SPON1: variants seen among roughly 807,000 people sequenced by gnomAD.
SPON1 encodes the protein spondin 1.
A neutral mutation model predicts 111.7 loss-of-function variants in SPON1; 52 were observed. That is an observed-to-expected ratio of 0.47 (90% CI 0.37 to 0.59). The LOEUF is 0.59. SPON1 is among the 20% of genes least tolerant of loss of function. The pLI is 0.00. For missense variants in SPON1, 957 were observed against 1,068.5 expected (o/e 0.90, Z 1.46); for synonymous variants, 410 against 395.8 (o/e 1.04, Z -0.43).
intron 1 of SPON1, among the ~76,000 whole-genome samples, chr11:13,977,803 G>T (rs908181752): frequency 6.6e-6 from 1 of 151,916 alleles, no homozygotes. Flanking sequence ...ATTTTGTTTT[G>T]CTTTTCACAT....
In SPON1 at chr11:14,189,475, G is replaced by A. The variant is rs537865047; in HGVS notation, c.826-53857G>A. On this transcript the variant is annotated intron_variant, in intron 6 of 15. Transcript: ENST00000576479. ...CCACCCAGCTGCCTAAGCCCCCTCG[G>A]AGGCAAATCTCAGCTCTTTCCCCTG... Among the ~76,000 whole-genome samples, 16 of 152,146 alleles carry A rather than the reference G, an allele frequency of 1.1e-4. No individual in the cohort carries two copies. The South Asian group carries it at 3.1e-3, about 30-fold the overall frequency.
At chr11:14,060,158 G>A (rs1554919696) in intron 3 of SPON1, among the ~76,000 whole-genome samples, 2 of 152,196 alleles carry the variant, frequency 1.3e-5, no homozygotes, top group African/African-American at 2.4e-5. Context: ...TTGAAGCTCA[G>A]AGAGGTAATG....
chr11:14,225,120 TG>T (rs1350401054), intron 6 of SPON1, among the ~76,000 whole-genome samples: 1 of 152,130 alleles, frequency 6.6e-6, no homozygotes, highest in Non-Finnish European at 1.5e-5. Flanking sequence ...CCCAGCTGCA[TG>T]GAGGAATATA....
chr11:14,074,508 C>T (rs920611109), intron 3 of SPON1, among the ~76,000 whole-genome samples: 1 of 152,184 alleles, frequency 6.6e-6, no homozygotes, highest in South Asian at 2.1e-4. Flanking sequence ...TGAAAATTAC[C>T]GTTTGACTGA....
chr11:13,970,639 C>T (rs1204772338), intron 1 of SPON1, among the ~76,000 whole-genome samples: 1 of 152,142 alleles, frequency 6.6e-6, no homozygotes, highest in Non-Finnish European at 1.5e-5. Context: ...CCTGCCAACA[C>T]TATCCTTTGA....
intron 5 of SPON1, among the ~76,000 whole-genome samples, chr11:14,102,453 A>AT (rs1370849590): frequency 3.9e-5 from 6 of 152,118 alleles, no homozygotes; most frequent in Non-Finnish European, 5.9e-5. Context: ...GATCCATTGT[A>AT]TTTTTTTACA....
intron 2 of SPON1, among the ~76,000 whole-genome samples, chr11:13,996,711 G>GTATATATATATATA (rs145375464): frequency 6.9e-6 from 1 of 145,142 alleles, no homozygotes; most frequent in African/African-American, 2.8e-5. Flanking sequence ...ACCTATGTGT[G>GTATATATATATATA]TATATATATA....
intron 6 of SPON1, among the ~76,000 whole-genome samples, chr11:14,168,015 T>C (rs1554932001): frequency 6.6e-6 from 1 of 152,196 alleles, no homozygotes; most frequent in Non-Finnish European, 1.5e-5. Context: ...TGCCTTCTTA[T>C]AATCTTTTAC....
At chr11:14,194,170 A>G (rs1019889305) in intron 6 of SPON1, among the ~76,000 whole-genome samples, 1 of 151,962 alleles carries the variant, frequency 6.6e-6, no homozygotes, top group Non-Finnish European at 1.5e-5. Context: ...TTGTCTTTCC[A>G]CTCATCCCTC....
At chr11:14,237,278 C>T (rs761809902) in intron 6 of SPON1, among the ~76,000 whole-genome samples, 20 of 152,256 alleles carry the variant, frequency 1.3e-4, no homozygotes, top group East Asian at 5.8e-4. Context: ...TAGTGCTCAC[C>T]GGGGTCTCCA....
chr11:14,198,036 A>C (rs1848421892), intron 6 of SPON1, among the ~76,000 whole-genome samples: 2 of 152,168 alleles, frequency 1.3e-5, no homozygotes, highest in South Asian at 4.1e-4. Context: ...ATTCTTCTTA[A>C]AAATACAGTG....
chr11:14,146,386 G>A (rs1443452530), intron 6 of SPON1, among the ~76,000 whole-genome samples: 1 of 152,062 alleles, frequency 6.6e-6, no homozygotes, highest in African/African-American at 2.4e-5. Flanking sequence ...CTGACCTCAG[G>A]TGATCCACCT....
At chr11:14,027,827 A>G (rs1329327072) in intron 2 of SPON1, among the ~76,000 whole-genome samples, 2 of 152,210 alleles carry the variant, frequency 1.3e-5, no homozygotes, top group African/African-American at 4.8e-5. Context: ...GTACTGCATT[A>G]TACTGTTCTC....
At chr11:14,088,513 T>C (rs1270814262) in intron 5 of SPON1, among the ~76,000 whole-genome samples, 1 of 152,220 alleles carries the variant, frequency 6.6e-6, no homozygotes, top group Non-Finnish European at 1.5e-5. Context: ...GTTAGTCTTA[T>C]GGGCTTCCCT....
chr11:14,046,764 G>A (rs1431071883), intron 3 of SPON1, among the ~76,000 whole-genome samples: 1 of 152,160 alleles, frequency 6.6e-6, no homozygotes, highest in Non-Finnish European at 1.5e-5. Context: ...ATCATTTTGG[G>A]ATTTCGAATG....
chr11:14,068,909 C>T (rs1411864237), intron 3 of SPON1, among the ~76,000 whole-genome samples: 4 of 152,058 alleles, frequency 2.6e-5, no homozygotes, highest in African/African-American at 7.2e-5. Context: ...CTTATTGCAC[C>T]ATTTGGTACC....
At chr11:14,197,655 A>C (rs1426446909) in intron 6 of SPON1, among the ~76,000 whole-genome samples, 5 of 151,196 alleles carry the variant, frequency 3.3e-5, no homozygotes, top group Non-Finnish European at 7.4e-5. Flanking sequence ...ATACAAAAAA[A>C]AAAAAAAAAA....
intron 6 of SPON1, among the ~76,000 whole-genome samples, chr11:14,187,023 G>A (rs535086524): frequency 2.0e-5 from 3 of 152,284 alleles, no homozygotes; most frequent in Admixed American, 2.0e-4. Context: ...TGGCTCTGCA[G>A]GCCATACGAG....
At chr11:14,231,032 C>T (rs1432814093) in intron 6 of SPON1, among the ~76,000 whole-genome samples, 3 of 152,028 alleles carry the variant, frequency 2.0e-5, no homozygotes, top group African/African-American at 7.2e-5. Context: ...AGGCTGGTCT[C>T]GAATTCTTGG....
Sources: gnomAD v4.1 joint callset for allele counts (sites outside exome capture counted in the v4.1 genomes callset) on GRCh38, gnomAD v4.1.1 for gene constraint, MANE v1.5 for transcripts, NCBI Gene and HGNC (gene_info 2026-07-23, HGNC 2026-07-21) for gene names.